Variants in DTNA observed in about 807,000 individuals in gnomAD.
The protein encoded by DTNA is dystrobrevin alpha, also known as dystrophin-related protein 3.
Under a neutral mutation model 100.7 loss-of-function variants are expected in DTNA, and 43 were observed. The observed-to-expected ratio is 0.43, with a 90% confidence interval of 0.33 to 0.55. DTNA has a LOEUF of 0.55. DTNA is among the 20% of genes least tolerant of loss of function. The pLI is 0.04. For missense variants in DTNA, 798 were observed against 953.9 expected (o/e 0.84, Z 2.15); for synonymous variants, 349 against 347.9 (o/e 1.00, Z -0.04).
At chr18:34,661,638 GATGA>G (rs1186613382) in intron 1 of DTNA, among the ~76,000 whole-genome samples, 1 of 152,066 alleles carries the variant, frequency 6.6e-6, no homozygotes, top group East Asian at 1.9e-4. Context: ...CAATAAACAG[GATGA>G]ATGAACATTC....
chr18:34,615,926 T>C (rs905815652), intron 1 of DTNA, among the ~76,000 whole-genome samples: 1 of 152,214 alleles, frequency 6.6e-6, no homozygotes, highest in African/African-American at 2.4e-5. Flanking sequence ...TCTCATTCTT[T>C]TTTATGACTG....
At chr18:34,820,314 T>C (rs1369152572) in intron 8 of DTNA, among the ~76,000 whole-genome samples, 3 of 152,160 alleles carry the variant, frequency 2.0e-5, no homozygotes, top group South Asian at 2.1e-4. Context: ...AGAGCAGTCC[T>C]TCTAGAATCA....
At chr18:34,815,335 C>T (rs2095573230) in intron 6 of DTNA, among the ~76,000 whole-genome samples, 1 of 152,024 alleles carries the variant, frequency 6.6e-6, no homozygotes, top group East Asian at 1.9e-4. Context: ...AAGAAGCAGA[C>T]TGAATTGAGA....
intron 1 of DTNA, among the ~76,000 whole-genome samples, chr18:34,564,896 T>C (rs1445750341): frequency 1.3e-5 from 2 of 152,132 alleles, no homozygotes; most frequent in Non-Finnish European, 2.9e-5. Flanking sequence ...AGATAAAGAA[T>C]GGAGATTTAC....
At chr18:34,523,971 T>G in intron 1 of DTNA, among the ~76,000 whole-genome samples, 1 of 152,150 alleles carries the variant, frequency 6.6e-6, no homozygotes, top group East Asian at 1.9e-4. Context: ...TTGACTTCTG[T>G]TTATGGTTTT....
At chr18:34,573,842 C>T (rs1443494855) in intron 1 of DTNA, 2 of 152,184 alleles carry the variant, frequency 1.3e-5, no homozygotes, top group East Asian at 3.9e-4. Flanking sequence ...TTTGACCAAT[C>T]CCTACCCATC....
At chr18:34,518,834 G>A (rs1345663660) in intron 1 of DTNA, among the ~76,000 whole-genome samples, 2 of 151,678 alleles carry the variant, frequency 1.3e-5, no homozygotes, top group Non-Finnish European at 2.9e-5. Context: ...TATAGTGGGG[G>A]AGGTACATAT....
At chr18:34,559,573 C>T (rs1198992223) in intron 1 of DTNA, among the ~76,000 whole-genome samples, 2 of 152,142 alleles carry the variant, frequency 1.3e-5, no homozygotes, top group Non-Finnish European at 2.9e-5. Context: ...GAAATAAGTG[C>T]CTGGTTTCAC....
At chr18:34,706,305 A>G (rs2082111558), upstream of DTNA, among the ~76,000 whole-genome samples, 1 of 152,210 alleles carries the variant, frequency 6.6e-6, no homozygotes. Flanking sequence ...TATTTCTGAT[A>G]GTTGAATTAT....
intron 4 of DTNA, among the ~76,000 whole-genome samples, chr18:34,800,365 A>G (rs1405511991): frequency 1.3e-5 from 2 of 152,224 alleles, no homozygotes; most frequent in African/African-American, 2.4e-5. Context: ...TGAGCAAATG[A>G]AGAGTAGAGA....
At chr18:34,866,188 G>A in intron 17 of DTNA, 1 of 1,614,106 alleles carries the variant, frequency 6.2e-7, no homozygotes, top group East Asian at 2.2e-5. Flanking sequence ...CTGCCGACCT[G>A]CGGTTTTCTC....
intron 1 of DTNA, among the ~76,000 whole-genome samples, chr18:34,555,150 A>T (rs1371287169): frequency 7.4e-6 from 1 of 134,718 alleles, no homozygotes; most frequent in Non-Finnish European, 1.6e-5. Flanking sequence ...TAGATTTTCT[A>T]GTTTATTTGC....
chr18:34,813,469 T>A (rs189873235), intron 6 of DTNA, among the ~76,000 whole-genome samples: 129 of 149,404 alleles, frequency 8.6e-4, no homozygotes, highest in Non-Finnish European at 9.8e-4. Context: ...GGTATATCCC[T>A]GCCCCATAAA....
At chr18:34,585,464 A>G (rs1488123463) in intron 1 of DTNA, among the ~76,000 whole-genome samples, 1 of 152,228 alleles carries the variant, frequency 6.6e-6, no homozygotes, top group East Asian at 1.9e-4. Flanking sequence ...GATAATATAT[A>G]CAAGTTAAAA....
At chr18:34,597,136 A>C (rs1449581040) in intron 1 of DTNA, among the ~76,000 whole-genome samples, 1 of 152,038 alleles carries the variant, frequency 6.6e-6, no homozygotes, top group Non-Finnish European at 1.5e-5. Context: ...GTTTGCTGGG[A>C]ATGATGGTTT....
chr18:34,812,185 G>A, intron 6 of DTNA, 72 bp downstream of exon 6: 1 of 1,600,038 alleles, frequency 6.2e-7, no homozygotes. Flanking sequence ...TGTCATTCCA[G>A]GTCACAGATA....
intron 13 of DTNA, among the ~76,000 whole-genome samples, chr18:34,843,676 A>G (rs1441003928): frequency 6.6e-6 from 1 of 152,114 alleles, no homozygotes; most frequent in Non-Finnish European, 1.5e-5. Context: ...TAAAGGCCCT[A>G]TCTCCAAATA....
chr18:34,497,838 G>A (rs1306717459), intron 1 of DTNA, among the ~76,000 whole-genome samples: 1 of 152,124 alleles, frequency 6.6e-6, no homozygotes. Flanking sequence ...ATTATATTAT[G>A]TATTTTTTAA....
chr18:34,821,896 C>T (rs923670710), intron 9 of DTNA, among the ~76,000 whole-genome samples: 4 of 152,192 alleles, frequency 2.6e-5, no homozygotes, highest in African/African-American at 9.7e-5. Context: ...GGGTATGAGA[C>T]CTTCGTGGAA....
Sources: allele counts gnomAD v4.1 joint callset (sites outside exome capture counted in the v4.1 genomes callset), GRCh38; gene constraint gnomAD v4.1.1; transcripts MANE v1.5; gene names NCBI Gene and HGNC (gene_info 2026-07-23, HGNC 2026-07-21).